LIPN: variants seen among roughly 807,000 people sequenced by gnomAD.
LIPN encodes the protein lipase family member N.
In LIPN, 32 loss-of-function variants were observed where a neutral mutation model predicts 43.7. The ratio of observed to expected loss-of-function variants is 0.73; its 90% CI spans 0.55 to 0.98. The LOEUF (loss-of-function observed/expected upper bound fraction) is 0.98. LIPN is among the 50% of genes least tolerant of loss of function. The pLI is 0.00. For missense variants in LIPN, 505 were observed against 483.8 expected (o/e 1.04, Z -0.41); for synonymous variants, 156 against 157.6 (o/e 0.99, Z 0.08).
At chr10:88,774,400 A>C (rs1483217428) in intron 7 of LIPN, 73 bp from the exon 8 acceptor site, 1 of 881,486 alleles carries the variant, frequency 1.1e-6, no homozygotes, top group Non-Finnish European at 1.9e-6. Flanking sequence ...AATTCTGTGC[A>C]TCATTTTTCT....
At chr10:88,757,390 AG>A (rs1304847226), upstream of LIPN, among the ~76,000 whole-genome samples, 1 of 152,166 alleles carries the variant, frequency 6.6e-6, no homozygotes, top group Non-Finnish European at 1.5e-5. Flanking sequence ...GACGTTATCA[AG>A]GACAGCTGCC....
chr10:88,775,244 C>T, intron 9 of LIPN, 81 bp downstream of exon 9: 1 of 960,338 alleles, frequency 1.0e-6, no homozygotes, highest in Non-Finnish European at 1.6e-6. Context: ...AAGACTCCTA[C>T]CTGTCATTTG....
intron 9 of LIPN, among the ~76,000 whole-genome samples, chr10:88,775,409 G>T (rs2133030598): frequency 6.6e-6 from 1 of 151,570 alleles, no homozygotes; most frequent in East Asian, 1.9e-4. Context: ...CTAACATTTT[G>T]GTGTATTTAT....
intron 6 of LIPN, chr10:88,769,610 G>T: frequency 1.0e-6 from 1 of 982,584 alleles, no homozygotes; most frequent in Non-Finnish European, 1.2e-6. Context: ...CTTTGAACTT[G>T]GGATGATGGA....
chr10:88,769,991 A>G (rs1433722394), intron 6 of LIPN, among the ~76,000 whole-genome samples: 1 of 151,920 alleles, frequency 6.6e-6, no homozygotes, highest in African/African-American at 2.4e-5. Context: ...CTATCTGTAA[A>G]TACATATATG....
In LIPN at chr10:88,775,244, C is replaced by A. The variant is rs1843277922; in HGVS notation, c.963+81C>A. 2.0e-5 allele frequency: 19 copies of A among 960,222 alleles called. No homozygotes were observed. The South Asian group carries it at 3.2e-4, about 16-fold the overall frequency. 59.5% of individuals were successfully genotyped at this position (960,222 alleles called of 1,614,324 possible). ...TTATTTGAGGGTGGAAAGACTCCTA[C>A]CTGTCATTTGGTGGCATTTATACTG... is the stretch of plus-strand genomic sequence containing the variant. On this transcript the variant is annotated intron_variant, in intron 9 of 9. Coordinates refer to ENST00000404459, the MANE Select transcript of LIPN (RefSeq NM_001102469.2).
At chr10:88,771,322 A>T in intron 7 of LIPN, among the ~76,000 whole-genome samples, 1 of 151,768 alleles carries the variant, frequency 6.6e-6, no homozygotes, top group East Asian at 1.9e-4. Flanking sequence ...AATTATTGTT[A>T]ACTATAGTCA....
At chr10:88,765,185 C>G (rs574194495) in intron 4 of LIPN, among the ~76,000 whole-genome samples, 2 of 152,022 alleles carry the variant, frequency 1.3e-5, no homozygotes, top group East Asian at 1.9e-4. Flanking sequence ...TTTTAATGGG[C>G]AATGAAGAAG....
chr10:88,776,692 A>G (rs303480), intron 9 of LIPN, among the ~76,000 whole-genome samples: 29,168 of 152,032 alleles, frequency 0.19, 2,821 homozygotes, highest in Non-Finnish European at 0.21. Flanking sequence ...ATTTCTCATC[A>G]TTTTGTTCAC....
rs542817361 is a variant in LIPN at position 88,762,479 on chromosome 10, A to G, written c.226+174A>G. ...CTTTGCCTGATAATTCTCTGAAGAC[A>G]GACAGGAACCTAAAAATACAAACAG... On this transcript the variant is annotated intron_variant, in intron 3 of 9. Coordinates refer to ENST00000404459, the MANE Select transcript of LIPN (RefSeq NM_001102469.2). 7.2e-5 allele frequency among the ~76,000 whole-genome samples: 11 copies of G among 152,240 alleles called. No homozygotes were observed. In the South Asian group the frequency reaches 2.3e-3, roughly 32 times the overall value.
chr10:88,764,974 C>T (rs925454677), intron 4 of LIPN, among the ~76,000 whole-genome samples: 1 of 141,852 alleles, frequency 7.0e-6, no homozygotes, highest in Admixed American at 7.2e-5. Flanking sequence ...AGGGAACAGA[C>T]AAACTCTCTG....
intron 5 of LIPN, 76 bp downstream of exon 5, chr10:88,766,454 A>G (rs964528629): frequency 1.7e-5 from 15 of 863,672 alleles, no homozygotes; most frequent in African/African-American, 3.3e-5. Flanking sequence ...GTTCACCTTT[A>G]TGTTGGAATA....
chr10:88,766,499 G>T, intron 5 of LIPN, 121 bp downstream of exon 5: 1 of 714,648 alleles, frequency 1.4e-6, no homozygotes, highest in Non-Finnish European at 2.5e-6. Context: ...TCAATTCCCT[G>T]TCCTCTGCTG....
At chr10:88,769,513 GTTTT>G in intron 6 of LIPN, 2 of 731,942 alleles carry the variant, frequency 2.7e-6, no homozygotes, top group Non-Finnish European at 3.3e-6. Context: ...CTATTAAAGG[GTTTT>G]TTTTTTTTTT....
upstream of LIPN, among the ~76,000 whole-genome samples, chr10:88,759,982 A>T (rs1324890073): frequency 1.3e-5 from 2 of 152,116 alleles, no homozygotes; most frequent in East Asian, 3.9e-4. Flanking sequence ...CCTGTTTCTC[A>T]TCTCTCTAGC....
At chr10:88,757,631 CA>C (rs1842942781), upstream of LIPN, among the ~76,000 whole-genome samples, 1 of 152,126 alleles carries the variant, frequency 6.6e-6, no homozygotes, top group Non-Finnish European at 1.5e-5. Context: ...GATTCATTTT[CA>C]CTAACACTAA....
chr10:88,768,458 G>T (rs1843148328), intron 5 of LIPN, among the ~76,000 whole-genome samples: 1 of 151,906 alleles, frequency 6.6e-6, no homozygotes. Flanking sequence ...AGTTAGGGAT[G>T]AAATGAGAAT....
intron 7 of LIPN, among the ~76,000 whole-genome samples, chr10:88,774,126 A>G (rs1265069982): frequency 6.6e-6 from 1 of 152,008 alleles, no homozygotes; most frequent in Non-Finnish European, 1.5e-5. Context: ...GTGACAGTGC[A>G]CCTGGGTGCG....
chr10:88,773,954 T>G (rs1006418858), intron 7 of LIPN, among the ~76,000 whole-genome samples: 10 of 152,068 alleles, frequency 6.6e-5, no homozygotes, highest in African/African-American at 2.2e-4. Context: ...ATATTTTATT[T>G]TATCCCCATA....
Sources: allele counts gnomAD v4.1 joint callset (sites outside exome capture counted in the v4.1 genomes callset), GRCh38; gene constraint gnomAD v4.1.1; transcripts MANE v1.5; gene names NCBI Gene and HGNC (gene_info 2026-07-23, HGNC 2026-07-21).